ME3: variants seen among roughly 807,000 people sequenced by gnomAD.
ME3 encodes the protein malic enzyme 3, also known as NADP-dependent malic enzyme, mitochondrial.
Under a neutral mutation model 68.9 loss-of-function variants are expected in ME3, and 48 were observed. The observed-to-expected ratio is 0.70, with a 90% CI of 0.55 to 0.89. The LOEUF (loss-of-function observed/expected upper bound fraction) is 0.89, where lower values mean the gene tolerates loss of function less well. Among genes scored for constraint, ME3 ranks in the 40% least tolerant of loss-of-function variants. The pLI, the probability that ME3 is intolerant of heterozygous loss-of-function variation, is 0.00. For synonymous variants in ME3, 320 were observed against 318.8 expected, an observed-to-expected ratio of 1.00 and a Z score of -0.04; for missense variants, 675 against 797.4, an observed-to-expected ratio of 0.85 and a Z score of 1.85.
intron 4 of ME3, among the ~76,000 whole-genome samples, chr11:86,521,277 C>T (rs1309987814): frequency 1.3e-5 from 2 of 152,026 alleles, no homozygotes; most frequent in Admixed American, 1.3e-4. Context: ...CGCCTGTAGT[C>T]CCAGCTACTT....
At chr11:86,512,026 T>C (rs532065250) in intron 4 of ME3, among the ~76,000 whole-genome samples, 2 of 152,064 alleles carry the variant, frequency 1.3e-5, no homozygotes, top group South Asian at 2.1e-4. Context: ...AAATTATCCA[T>C]AAAATCCCTA....
At chr11:86,453,038 G>A (rs747209441) in intron 8 of ME3, among the ~76,000 whole-genome samples, 5 of 151,930 alleles carry the variant, frequency 3.3e-5, no homozygotes, top group Admixed American at 1.3e-4. Context: ...TCACTCGGTC[G>A]CCCAGGCTGG....
intron 2 of ME3, among the ~76,000 whole-genome samples, chr11:86,612,614 G>A (rs1344953271): frequency 2.6e-5 from 4 of 152,152 alleles, no homozygotes; most frequent in Non-Finnish European, 5.9e-5. Flanking sequence ...TCTGACTGGT[G>A]CGAGATGGTA....
chr11:86,604,661 T>C (rs1401770218), intron 2 of ME3, among the ~76,000 whole-genome samples: 2 of 152,184 alleles, frequency 1.3e-5, no homozygotes, highest in African/African-American at 4.8e-5. Flanking sequence ...TCTCAACAAA[T>C]TAATGAGGCA....
At chr11:86,482,828 G>T (rs551752708) in intron 7 of ME3, among the ~76,000 whole-genome samples, 2 of 151,980 alleles carry the variant, frequency 1.3e-5, no homozygotes, top group Non-Finnish European at 2.9e-5. Context: ...AGCTGAGCCC[G>T]CTCCCAGCTA....
At chr11:86,580,769 T>C in intron 2 of ME3, among the ~76,000 whole-genome samples, 1 of 152,344 alleles carries the variant, frequency 6.6e-6, no homozygotes, top group East Asian at 1.9e-4. Flanking sequence ...GCCACTGCAG[T>C]CCATTTGTGC....
intron 2 of ME3, among the ~76,000 whole-genome samples, chr11:86,664,478 G>A (rs575120643): frequency 1.8e-4 from 27 of 152,278 alleles, no homozygotes; most frequent in African/African-American, 6.0e-4. Flanking sequence ...ATGCCTATGA[G>A]AAAACACTTT....
chr11:86,501,696 C>G (rs114887407), intron 5 of ME3, among the ~76,000 whole-genome samples: 1,668 of 152,300 alleles, frequency 0.011, 35 homozygotes, highest in African/African-American at 0.037. Flanking sequence ...CTCCTGCTCT[C>G]TGTTACCCTG....
At chr11:86,541,823 G>C (rs1956066330) in intron 4 of ME3, among the ~76,000 whole-genome samples, 1 of 152,230 alleles carries the variant, frequency 6.6e-6, no homozygotes, top group African/African-American at 2.4e-5. Context: ...CTCCTCAAGT[G>C]GTTCCCTGAC....
chr11:86,605,053 T>C (rs1034237499), intron 2 of ME3, among the ~76,000 whole-genome samples: 5 of 152,204 alleles, frequency 3.3e-5, no homozygotes, highest in Non-Finnish European at 7.3e-5. Flanking sequence ...TTTCTGTCTC[T>C]ATAGATTTCA....
intron 13 of ME3, among the ~76,000 whole-genome samples, chr11:86,443,817 C>A (rs1181111134): frequency 2.6e-5 from 4 of 152,212 alleles, no homozygotes; most frequent in African/African-American, 9.7e-5. Context: ...ATTCACTGTG[C>A]TCTACTATAT....
intron 8 of ME3, among the ~76,000 whole-genome samples, chr11:86,460,037 C>G (rs1166336639): frequency 6.6e-6 from 1 of 152,210 alleles, no homozygotes; most frequent in African/African-American, 2.4e-5. Context: ...TCCTTCCTTC[C>G]CCTGTCCCCA....
chr11:86,595,824 A>G (rs1959351024), intron 2 of ME3, among the ~76,000 whole-genome samples: 1 of 152,244 alleles, frequency 6.6e-6, no homozygotes, highest in African/African-American at 2.4e-5. Context: ...CCAGAAGAAC[A>G]GAAGCTCCCA....
intron 4 of ME3, among the ~76,000 whole-genome samples, chr11:86,514,581 C>A (rs1278095054): frequency 6.6e-6 from 1 of 152,182 alleles, no homozygotes; most frequent in Non-Finnish European, 1.5e-5. Context: ...GAGAATGTAG[C>A]ATAGACTAGG....
intron 7 of ME3, among the ~76,000 whole-genome samples, chr11:86,467,681 T>TCACACACA (rs1447621312): frequency 7.2e-6 from 1 of 138,786 alleles, no homozygotes; most frequent in African/African-American, 2.8e-5. Flanking sequence ...TCTCTCTCTC[T>TCACACACA]CTCTCTCTCT....
intron 7 of ME3, among the ~76,000 whole-genome samples, chr11:86,473,327 C>T (rs1027553600): frequency 1.3e-5 from 2 of 152,140 alleles, no homozygotes; most frequent in African/African-American, 4.8e-5. Flanking sequence ...TGGTGACCTT[C>T]GCAGACCACT....
At chr11:86,618,033 C>G (rs1199936481) in intron 2 of ME3, among the ~76,000 whole-genome samples, 1 of 152,066 alleles carries the variant, frequency 6.6e-6, no homozygotes, top group Admixed American at 6.6e-5. Flanking sequence ...CATGGCTGGG[C>G]ACAGTGGCTC....
chr11:86,624,723 G>A (rs538491639), intron 2 of ME3, among the ~76,000 whole-genome samples: 4 of 152,294 alleles, frequency 2.6e-5, no homozygotes, highest in Non-Finnish European at 4.4e-5. Context: ...ACCATTCTTC[G>A]GCTTTTCTCT....
chr11:86,519,361 C>T (rs1954102630), intron 4 of ME3, among the ~76,000 whole-genome samples: 1 of 152,196 alleles, frequency 6.6e-6, no homozygotes, highest in African/African-American at 2.4e-5. Context: ...ATAATGTTCA[C>T]TTAGGAGAAT....
Sources: allele counts gnomAD v4.1 joint callset (sites outside exome capture counted in the v4.1 genomes callset), GRCh38; gene constraint gnomAD v4.1.1; transcripts MANE v1.5; gene names NCBI Gene and HGNC (gene_info 2026-07-23, HGNC 2026-07-21).